ZFHX3: variants seen among roughly 807,000 people sequenced by gnomAD.
ZFHX3 encodes the protein zinc finger homeobox 3, also known as zinc finger homeobox protein 3.
Under a neutral mutation model 279.1 loss-of-function variants are expected in ZFHX3, and 42 were observed. The observed-to-expected ratio is 0.15, with a 90% CI of 0.12 to 0.19. The LOEUF is 0.19. Among genes scored for constraint, ZFHX3 ranks in the 10% least tolerant of loss-of-function variants. The probability of loss-of-function intolerance (pLI) is 1.00; values close to 1 mark genes in which losing one functional copy is unlikely to be tolerated. For synonymous variants in ZFHX3, 2,293 were observed against 1,957.8 expected, an observed-to-expected ratio of 1.17 and a Z score of -4.52; for missense variants, 4,981 against 4,754.0, an observed-to-expected ratio of 1.05 and a Z score of -1.40.
At chr16:73,022,678 C>A (rs1443030790) in intron 1 of ZFHX3, among the ~76,000 whole-genome samples, 1 of 152,096 alleles carries the variant, frequency 6.6e-6, no homozygotes, top group South Asian at 2.1e-4. Context: ...ATGCCACGAT[C>A]CCAGACAGCA....
chr16:72,897,958 AGACTCT>A (rs1201503996), intron 3 of ZFHX3, among the ~76,000 whole-genome samples: 1 of 152,190 alleles, frequency 6.6e-6, no homozygotes, highest in Non-Finnish European at 1.5e-5. Context: ...CTGGAACATG[AGACTCT>A]GCAGACCCAG....
chr16:73,306,915 G>C (rs886184828), intron 4 of ZFHX3, among the ~76,000 whole-genome samples: 1 of 152,224 alleles, frequency 6.6e-6, no homozygotes, highest in Non-Finnish European at 1.5e-5. Context: ...GAAGGGTATA[G>C]AGTTAGGTGA....
At chr16:73,646,725 G>C (rs1254680365) in intron 2 of ZFHX3, among the ~76,000 whole-genome samples, 1 of 152,148 alleles carries the variant, frequency 6.6e-6, no homozygotes, top group Admixed American at 6.5e-5. Flanking sequence ...TGAAATGAAA[G>C]ATTGTCTAAG....
Position 73,530,848 on chromosome 16 carries a change from C to T in ZFHX3, c.-1546-74590G>A, listed in dbSNP as rs1401762370. ...TTTGTCTTCATAACCCCAGTGTCTG[C>T]CCAGAAAATACTTGACAACCAGGTG... On this transcript the variant is annotated intron_variant, in intron 2 of 17. Coordinates refer to the ZFHX3 transcript ENST00000641206. Among the ~76,000 whole-genome samples the T allele has an allele frequency of 3.3e-5, 5 of 152,146 alleles. No individual in the cohort carries two copies. In the East Asian group the frequency reaches 9.6e-4, roughly 29 times the overall value.
At chr16:73,769,448 C>T (rs1429140458) in intron 1 of ZFHX3, among the ~76,000 whole-genome samples, 1 of 152,120 alleles carries the variant, frequency 6.6e-6, no homozygotes, top group Non-Finnish European at 1.5e-5. Context: ...CAGTATATTA[C>T]ACAAATTCAT....
At chr16:73,148,186 G>A (rs1311604532) in intron 5 of ZFHX3, among the ~76,000 whole-genome samples, 1 of 152,220 alleles carries the variant, frequency 6.6e-6, no homozygotes, top group Non-Finnish European at 1.5e-5. Context: ...TGTTATGACA[G>A]AGACAGCATG....
At chr16:72,841,886 A>T (rs1014128416) in intron 4 of ZFHX3, among the ~76,000 whole-genome samples, 5 of 152,222 alleles carry the variant, frequency 3.3e-5, no homozygotes, top group Non-Finnish European at 7.3e-5. Context: ...TTCTAGACTC[A>T]CACCCCATCC....
At chr16:73,311,971 C>T (rs1464674036) in intron 4 of ZFHX3, among the ~76,000 whole-genome samples, 1 of 152,102 alleles carries the variant, frequency 6.6e-6, no homozygotes, top group Non-Finnish European at 1.5e-5. Context: ...AAACTTAGGA[C>T]ACCTTAACAA....
intron 2 of ZFHX3, among the ~76,000 whole-genome samples, chr16:73,501,677 T>C (rs1475461577): frequency 1.3e-5 from 2 of 152,218 alleles, no homozygotes; most frequent in African/African-American, 4.8e-5. Flanking sequence ...GAGAACATCT[T>C]AGAGCAGGAC....
intron 1 of ZFHX3, among the ~76,000 whole-genome samples, chr16:72,996,127 C>T (rs1963279667): frequency 6.6e-6 from 1 of 151,878 alleles, no homozygotes. Context: ...CACACACACA[C>T]ACACACACGA....
rs142562807 is a variant in ZFHX3 at position 72,983,612 on chromosome 16, T to C, written c.-49-23418A>G. On this transcript the variant is annotated intron_variant, in intron 1 of 9. Coordinates refer to ENST00000268489, the MANE Select transcript of ZFHX3 (RefSeq NM_006885.4). ...GTCCCAGCTACTCAGGAGGATGAGA[T>C]AGAAGGATCGCTTGAGCCCAGGAGT... 1.2e-3 allele frequency among the ~76,000 whole-genome samples: 185 copies of C among 151,836 alleles called. 1 individual carries two copies. Among genetic ancestry groups the C allele is most frequent in the African/African-American group, 4.3e-3 (180 of 41,392 alleles).
At chr16:73,865,509 C>G (rs1257656351) in intron 1 of ZFHX3, among the ~76,000 whole-genome samples, 2 of 152,220 alleles carry the variant, frequency 1.3e-5, no homozygotes, top group Non-Finnish European at 2.9e-5. Flanking sequence ...AACCTCCCAA[C>G]TCTCTTATAT....
intron 5 of ZFHX3, among the ~76,000 whole-genome samples, chr16:73,237,147 C>G (rs896133450): frequency 3.9e-5 from 6 of 152,236 alleles, no homozygotes; most frequent in Non-Finnish European, 7.3e-5. Flanking sequence ...TAATAAGAGA[C>G]AGCTGCAGGT....
chr16:72,797,130 G>C lies in ZFHX3; in HGVS notation c.5552C>G (p.Pro1851Arg), dbSNP rs765266659. The change falls in exon 9 of 10, where the codon CCG becomes CGG. Residue 1851 changes from proline to arginine, a missense_variant. Around this residue, in one of 7 missense-constraint regions of ZFHX3, gnomAD observed 1,751 missense variants for 1,770.0 expected, o/e 0.99. Transcript: ENST00000268489. ...VPQQSHQQIL[P>R]QQQQNQLSIA... ...AGAGAGTTGGTTCTGCTGCTGCTGC[G>C]GCAAGATCTGCTGATGGCTCTGCTG... 9.3e-6 allele frequency: 15 copies of C among 1,613,602 alleles called. No homozygotes were observed. Among genetic ancestry groups the C allele is most frequent in the Non-Finnish European group, 1.2e-5 (14 of 1,179,942 alleles).
chr16:73,682,908 GAAA>G (rs2053031897), intron 1 of ZFHX3, among the ~76,000 whole-genome samples: 1 of 41,734 alleles, frequency 2.4e-5, no homozygotes, highest in Admixed American at 2.8e-4. Flanking sequence ...GAAAGAAAGA[GAAA>G]GAAAGAGAGA....
At chr16:73,791,612 A>G (rs567595911) in intron 1 of ZFHX3, among the ~76,000 whole-genome samples, 1 of 151,924 alleles carries the variant, frequency 6.6e-6, no homozygotes, top group South Asian at 2.1e-4. Context: ...TTTAATAGAG[A>G]TGGGGTTTCA....
At chr16:73,703,456 C>T (rs376941704) in intron 1 of ZFHX3, among the ~76,000 whole-genome samples, 28 of 149,846 alleles carry the variant, frequency 1.9e-4, no homozygotes, top group African/African-American at 6.9e-4. Context: ...TTGGTTGGTT[C>T]AAATAGGAAT....
chr16:72,795,372 C>A lies in ZFHX3; in HGVS notation c.7310G>T (p.Ser2437Ile). The change falls in exon 9 of 10, where the codon AGT becomes ATT. Residue 2437 changes from serine to isoleucine, a missense_variant. Ser to Ile is a moderately radical substitution (Grantham distance 142). Transcript: ENST00000268489. ...TTCTTGGGTTTGGTTTGGCTGTGCA[C>A]TGGGAGCTTCCGCCAGCTTTGGTTT... Reference protein sequence around the residue: ...DEKPKLAEAPSAQPNQTQEKQ... With the variant: ...DEKPKLAEAPIAQPNQTQEKQ... 1 of 1,614,122 alleles carries A rather than the reference C, an allele frequency of 6.2e-7. No individual in the cohort carries two copies. The highest frequency in any genetic ancestry group is 8.5e-7 in the Non-Finnish European group (1 of 1,180,020).
chr16:73,078,472 A>C (rs1965909727), intron 8 of ZFHX3, among the ~76,000 whole-genome samples: 1 of 152,040 alleles, frequency 6.6e-6, no homozygotes. Flanking sequence ...GAAAATCCAC[A>C]CTATCCTTCA....
Sources: gnomAD v4.1 joint callset for allele counts (sites outside exome capture counted in the v4.1 genomes callset) on GRCh38, gnomAD v4.1.1 for gene constraint, gnomAD v4.1.1 regional missense constraint, MANE v1.5 for transcripts, NCBI Gene and HGNC (gene_info 2026-07-23, HGNC 2026-07-21) for gene names.